Variants in CLVS1 observed in about 807,000 individuals in gnomAD.
CLVS1 encodes clavesin 1, also known as clavesin-1.
CLVS1 carries 10 observed loss-of-function variants against 33.1 expected under a neutral mutation model. The observed-to-expected ratio is 0.30, with a 90% CI of 0.19 to 0.51. The LOEUF (loss-of-function observed/expected upper bound fraction) is 0.51. CLVS1 is among the 20% of genes least tolerant of loss of function. CLVS1 has a pLI of 0.97. For missense variants in CLVS1, 343 were observed against 433.4 expected (o/e 0.79, Z 1.85); for synonymous variants, 163 against 166.1 (o/e 0.98, Z 0.14).
intron 1 of CLVS1, among the ~76,000 whole-genome samples, chr8:61,104,285 A>T (rs1805497749): frequency 6.6e-6 from 1 of 152,262 alleles, no homozygotes. Flanking sequence ...TAGATTCATC[A>T]TTTGGTCAAC....
At chr8:61,485,028 G>A (rs1182740611) in intron 5 of CLVS1, among the ~76,000 whole-genome samples, 5 of 152,104 alleles carry the variant, frequency 3.3e-5, no homozygotes, top group Non-Finnish European at 7.4e-5. Flanking sequence ...CAGGACATAG[G>A]CATGGGCAAG....
At chr8:61,274,186 C>G (rs1563472761) in intron 2 of CLVS1, 1 of 152,226 alleles carries the variant, frequency 6.6e-6, no homozygotes, top group Non-Finnish European at 1.5e-5. Context: ...AACACCTTCA[C>G]TGTGCCCAGC....
intron 5 of CLVS1, among the ~76,000 whole-genome samples, chr8:61,493,119 G>A (rs939208905): frequency 6.6e-6 from 1 of 152,160 alleles, no homozygotes; most frequent in Non-Finnish European, 1.5e-5. Context: ...AAGATATTAA[G>A]TAAGGTAATA....
the CLVS1 span, among the ~76,000 whole-genome samples, chr8:61,002,373 A>G: frequency 1.4e-5 from 2 of 142,590 alleles, no homozygotes; most frequent in Non-Finnish European, 3.0e-5. Flanking sequence ...TCTTTTGCCA[A>G]GGCTAGAGTG....
intron 3 of CLVS1, among the ~76,000 whole-genome samples, chr8:61,424,324 C>CTACT (rs1225909428): frequency 6.6e-6 from 1 of 152,190 alleles, no homozygotes; most frequent in Non-Finnish European, 1.5e-5. Context: ...TGATAAATGG[C>CTACT]TACTCTTCAG....
intron 1 of CLVS1, among the ~76,000 whole-genome samples, chr8:61,092,482 G>C (rs1299307940): frequency 1.3e-5 from 2 of 152,210 alleles, no homozygotes; most frequent in African/African-American, 4.8e-5. Context: ...TATAGCTCTG[G>C]AGATCAGAAG....
At position 61,396,535 on chromosome 8, in the gene CLVS1, A is replaced by T. The variant is rs578214428; in HGVS notation, c.630+19756A>T. Among the ~76,000 whole-genome samples, 23 of 151,932 alleles carry T rather than the reference A, an allele frequency of 1.5e-4. No individual in the cohort carries two copies. The South Asian group carries it at 4.8e-3, about 31-fold the overall frequency. On this transcript the variant is annotated intron_variant, in intron 3 of 5. Transcript: ENST00000325897. ...TTTACTTTGTATTAAACAGCTTGAG[A>T]TATAATTCATATGCCATGTAAGACA...
the CLVS1 span, among the ~76,000 whole-genome samples, chr8:61,010,245 T>A: frequency 2.0e-5 from 3 of 152,154 alleles, no homozygotes; most frequent in Admixed American, 6.5e-5. Context: ...TCTTGCACTG[T>A]CCTCCCCTGA....
intron 3 of CLVS1, among the ~76,000 whole-genome samples, chr8:61,383,458 A>G (rs1212649620): frequency 1.3e-5 from 2 of 152,188 alleles, no homozygotes; most frequent in Non-Finnish European, 2.9e-5. Flanking sequence ...GGAGAAGGAT[A>G]TTTGCATTTT....
intron 3 of CLVS1, among the ~76,000 whole-genome samples, chr8:61,409,189 C>T (rs1044227054): frequency 6.6e-6 from 1 of 152,140 alleles, no homozygotes; most frequent in Admixed American, 6.5e-5. Flanking sequence ...GTAATCCATT[C>T]ACAAGGCATA....
chr8:61,348,731 T>C (rs889326309), intron 2 of CLVS1, among the ~76,000 whole-genome samples: 3 of 152,158 alleles, frequency 2.0e-5, no homozygotes, highest in African/African-American at 7.2e-5. Context: ...CCTTTGACTA[T>C]ATACCCAGAG....
chr8:61,266,585 A>C (rs1809307699), intron 2 of CLVS1, among the ~76,000 whole-genome samples: 1 of 151,802 alleles, frequency 6.6e-6, no homozygotes, highest in African/African-American at 2.4e-5. Context: ...CTTTCATCCT[A>C]TTTCTCTACA....
At chr8:61,210,401 T>C (rs773869121) in intron 2 of CLVS1, among the ~76,000 whole-genome samples, 4 of 152,208 alleles carry the variant, frequency 2.6e-5, no homozygotes, top group African/African-American at 4.8e-5. Flanking sequence ...ATTTCTGTCA[T>C]TGATAAATTA....
the CLVS1 span, among the ~76,000 whole-genome samples, chr8:61,050,945 T>C: frequency 6.6e-6 from 1 of 152,180 alleles, no homozygotes; most frequent in Non-Finnish European, 1.5e-5. Context: ...AGTCAGATAA[T>C]GAGCTTAGAG....
the CLVS1 span, among the ~76,000 whole-genome samples, chr8:60,990,333 T>C: frequency 2.0e-5 from 3 of 152,188 alleles, no homozygotes; most frequent in Non-Finnish European, 4.4e-5. Context: ...AAAGAACTGC[T>C]GTTAATTTTG....
chr8:60,976,362 C>CT, the CLVS1 span, among the ~76,000 whole-genome samples: 1,159 of 144,906 alleles, frequency 8.0e-3, 12 homozygotes, highest in African/African-American at 0.024. Flanking sequence ...TTCTTTCTTT[C>CT]TTTTTTTTTT....
At chr8:61,423,042 G>A (rs895354338) in intron 3 of CLVS1, among the ~76,000 whole-genome samples, 1 of 152,142 alleles carries the variant, frequency 6.6e-6, no homozygotes, top group Non-Finnish European at 1.5e-5. Flanking sequence ...TCCACTGATT[G>A]TTCTTAATGG....
At chr8:61,015,272 T>G in the CLVS1 span, among the ~76,000 whole-genome samples, 2 of 152,232 alleles carry the variant, frequency 1.3e-5, no homozygotes, top group Non-Finnish European at 2.9e-5. Context: ...CCCCACTTTA[T>G]AGTTGAGGCA....
chr8:61,124,458 C>T (rs560813360), intron 1 of CLVS1, among the ~76,000 whole-genome samples: 3 of 152,310 alleles, frequency 2.0e-5, no homozygotes, highest in African/African-American at 4.8e-5. Context: ...AAACAGAGCA[C>T]GCTATTGTTT....
Sources: allele counts gnomAD v4.1 joint callset (sites outside exome capture counted in the v4.1 genomes callset), GRCh38; gene constraint gnomAD v4.1.1; transcripts MANE v1.5; gene names NCBI Gene and HGNC (gene_info 2026-07-23, HGNC 2026-07-21).